The following DNAH7 variants were observed in gnomAD, a reference collection of about 807,000 sequenced individuals.
DNAH7 encodes the protein dynein axonemal heavy chain 7.
Under a neutral mutation model 444.6 loss-of-function variants are expected in DNAH7, and 397 were observed. That is an observed-to-expected ratio of 0.89 (90% CI 0.82 to 0.97). DNAH7 has a LOEUF of 0.97. Among genes scored for constraint, DNAH7 ranks in the 50% least tolerant of loss-of-function variants. The probability of loss-of-function intolerance (pLI) is 0.00; values close to 1 mark genes in which losing one functional copy is unlikely to be tolerated. For synonymous variants in DNAH7, 1,636 were observed against 1,624.4 expected, an observed-to-expected ratio of 1.01 and a Z score of -0.17; for missense variants, 4,902 against 4,800.8, an observed-to-expected ratio of 1.02 and a Z score of -0.62.
At chr2:195,943,996 C>G (rs188069475) in intron 19 of DNAH7, among the ~76,000 whole-genome samples, 13 of 152,258 alleles carry the variant, frequency 8.5e-5, no homozygotes, top group Non-Finnish European at 1.3e-4. Context: ...ACCTCTTCCC[C>G]AGTCTTCCTT....
rs763034925 is a variant in DNAH7, at chr2:195,794,469, G to A, written c.10585C>T (p.Pro3529Ser). The change falls in exon 57 of 65, where the codon CCT becomes TCT. Residue 3529 changes from proline to serine, a missense_variant. Pro to Ser is a moderately conservative substitution (Grantham distance 74, BLOSUM62 -1). Transcript: ENST00000312428. ...WLTSYPSPNF[P>S]VSVLQNGVKM... ...ACTCCATTCTGCAGTACTGACACAG[G>A]GAAATTTGGAGATGGGTAACTCGTT... 17 of 1,614,134 alleles carry A rather than the reference G, an allele frequency of 1.1e-5. No homozygotes were observed. Among genetic ancestry groups the A allele is most frequent in the Non-Finnish European group, 1.4e-5 (17 of 1,180,002 alleles).
chr2:195,738,150 T>G (rs1435087489), intron 64 of DNAH7, 23 bp from the exon 65 acceptor site: 3 of 1,598,554 alleles, frequency 1.9e-6, no homozygotes, highest in Non-Finnish European at 2.6e-6. Flanking sequence ...ACATAACACC[T>G]CTTTAAGTCA....
Position 195,964,232 on chromosome 2 carries a change from G to T in DNAH7, c.2206-3287C>A, listed in dbSNP as rs927101015. Among the ~76,000 whole-genome samples, 7 of 152,180 alleles carry T rather than the reference G, an allele frequency of 4.6e-5. No individual in the cohort carries two copies. The South Asian group carries it at 1.5e-3, about 32-fold the overall frequency. On this transcript the variant is annotated intron_variant, in intron 17 of 64. Coordinates refer to ENST00000312428, the MANE Select transcript of DNAH7 (RefSeq NM_018897.3). ...TTACACTGAATATGAAGATTGCTTT[G>T]GGTAGTATGAACATTTTAACAATAT... is the stretch of plus-strand genomic sequence containing the variant.
intron 9 of DNAH7, among the ~76,000 whole-genome samples, chr2:196,016,768 T>A (rs1368450118): frequency 6.6e-6 from 1 of 152,122 alleles, no homozygotes; most frequent in Non-Finnish European, 1.5e-5. Flanking sequence ...TTTACCCACA[T>A]GGAGAAGGCA....
intron 7 of DNAH7, among the ~76,000 whole-genome samples, chr2:196,026,082 T>TAG (rs1213066648): frequency 6.6e-6 from 1 of 152,182 alleles, no homozygotes; most frequent in Non-Finnish European, 1.5e-5. Flanking sequence ...TGTAAAGGGT[T>TAG]AGACTGTAAC....
At chr2:195,808,077 T>C (rs547876323) in intron 53 of DNAH7, among the ~76,000 whole-genome samples, 55 of 152,144 alleles carry the variant, frequency 3.6e-4, no homozygotes, top group Admixed American at 1.5e-3. Context: ...AAGCAGGAAG[T>C]CAAGAGAGTA....
chr2:195,944,305 T>G (rs1689656648), intron 19 of DNAH7, among the ~76,000 whole-genome samples: 1 of 152,114 alleles, frequency 6.6e-6, no homozygotes, highest in Non-Finnish European at 1.5e-5. Context: ...ACCATTTCTA[T>G]CTAATTGAGA....
At chr2:195,921,930 A>C (rs547587828) in intron 24 of DNAH7, among the ~76,000 whole-genome samples, 158 bp downstream of exon 24, 6 of 152,318 alleles carry the variant, frequency 3.9e-5, no homozygotes, top group Admixed American at 3.9e-4. Context: ...AGAGAAAGAG[A>C]AAACGAAGAC....
intron 63 of DNAH7, among the ~76,000 whole-genome samples, chr2:195,745,242 A>G (rs1028259990): frequency 2.0e-5 from 3 of 152,226 alleles, no homozygotes; most frequent in African/African-American, 7.2e-5. Flanking sequence ...ATCAACTGGA[A>G]GAAAGGGTAT....
intron 51 of DNAH7, among the ~76,000 whole-genome samples, chr2:195,815,306 T>C (rs1038455523): frequency 2.2e-4 from 33 of 152,232 alleles, no homozygotes; most frequent in African/African-American, 7.7e-4. Context: ...CAAAAAAAAT[T>C]ACCTACTCCC....
chr2:195,955,009 G>A (rs1359090746), intron 19 of DNAH7, among the ~76,000 whole-genome samples: 3 of 152,158 alleles, frequency 2.0e-5, no homozygotes, highest in Non-Finnish European at 2.9e-5. Context: ...CTTTTGCCGT[G>A]CAGAAGCTCT....
At chr2:195,867,688 G>A (rs1164996621) in intron 40 of DNAH7, among the ~76,000 whole-genome samples, 1 of 152,114 alleles carries the variant, frequency 6.6e-6, no homozygotes, top group African/African-American at 2.4e-5. Context: ...CATATCATAG[G>A]TGACCTTTTG....
intron 24 of DNAH7, among the ~76,000 whole-genome samples, chr2:195,918,820 T>C (rs997089892): frequency 1.3e-5 from 2 of 152,200 alleles, no homozygotes; most frequent in South Asian, 2.1e-4. Context: ...AGTGGATATA[T>C]GACATTATGC....
intron 51 of DNAH7, among the ~76,000 whole-genome samples, chr2:195,811,181 A>G (rs7604610): frequency 0.71 from 107,972 of 152,028 alleles, 38,986 homozygotes; most frequent in Non-Finnish European, 0.76. Flanking sequence ...CTCTGATGGA[A>G]TTGTGTGTTT....
intron 10 of DNAH7, 81 bp downstream of exon 10, chr2:196,012,706 T>A: frequency 7.1e-7 from 1 of 1,403,478 alleles, no homozygotes. Context: ...AAATTGGATC[T>A]TCTAAAAGCA....
At chr2:195,942,776 T>A (rs1689545764) in intron 19 of DNAH7, among the ~76,000 whole-genome samples, 1 of 152,104 alleles carries the variant, frequency 6.6e-6, no homozygotes, top group Non-Finnish European at 1.5e-5. Context: ...TTTTACTCTT[T>A]AATTCCCAGA....
chr2:195,857,070 A>C (rs1012964912), intron 44 of DNAH7, among the ~76,000 whole-genome samples: 2 of 150,528 alleles, frequency 1.3e-5, no homozygotes, highest in East Asian at 3.8e-4. Flanking sequence ...TTTTAAGATG[A>C]ATTAATAAAC....
chr2:195,969,530 T>G (rs768423441), intron 17 of DNAH7, among the ~76,000 whole-genome samples: 2 of 152,156 alleles, frequency 1.3e-5, no homozygotes, highest in African/African-American at 2.4e-5. Context: ...GAGAAAATAA[T>G]GGACCTTATT....
chr2:195,918,722 G>A (rs1454509427), intron 24 of DNAH7, among the ~76,000 whole-genome samples: 1 of 152,192 alleles, frequency 6.6e-6, no homozygotes, highest in Non-Finnish European at 1.5e-5. Flanking sequence ...AAAATGGTCA[G>A]TGGTCGACAG....
Sources: allele counts gnomAD v4.1 joint callset (sites outside exome capture counted in the v4.1 genomes callset), GRCh38; gene constraint gnomAD v4.1.1; transcripts MANE v1.5; gene names NCBI Gene and HGNC (gene_info 2026-07-23, HGNC 2026-07-21).